The following DLG5 variants were observed in gnomAD, a reference collection of about 807,000 sequenced individuals.
The protein encoded by DLG5 is disks large homolog 5.
A neutral mutation model predicts 189.8 loss-of-function variants in DLG5; 48 were observed. The ratio of observed to expected loss-of-function variants is 0.25; its 90% CI spans 0.20 to 0.32. The LOEUF is 0.32. DLG5 is among the 10% of genes least tolerant of loss of function. The pLI, the probability that DLG5 is intolerant of heterozygous loss-of-function variation, is 1.00. For synonymous variants in DLG5, 1,016 were observed against 1,054.1 expected (o/e 0.96, Z 0.70); for missense variants, 2,160 against 2,544.7 (o/e 0.85, Z 3.25).
chr10:77,864,224 C>T (rs1047653312), intron 2 of DLG5, among the ~76,000 whole-genome samples: 7 of 152,186 alleles, frequency 4.6e-5, no homozygotes, highest in African/African-American at 1.4e-4. Flanking sequence ...ACCCTGGAGG[C>T]GCATCCTTGG....
chr10:77,922,401 A>G (rs1846561881), intron 1 of DLG5, among the ~76,000 whole-genome samples: 2 of 152,182 alleles, frequency 1.3e-5, no homozygotes, highest in African/African-American at 2.4e-5. Flanking sequence ...AAGAGACCCA[A>G]CTGAGCCACT....
intron 11 of DLG5, 67 bp from the exon 12 acceptor site, chr10:77,829,597 T>G: frequency 6.6e-7 from 1 of 1,519,040 alleles, no homozygotes; most frequent in Admixed American, 2.1e-5. Context: ...CGCCCACAAC[T>G]CTCACTCAGG....
In DLG5 at chr10:77,835,737, C is replaced by G; in HGVS notation, c.1622+1G>C. 1 of 1,608,770 alleles carries G rather than the reference C, an allele frequency of 6.2e-7. No individual in the cohort carries two copies. Among genetic ancestry groups the G allele is most frequent in the Non-Finnish European group, 8.5e-7 (1 of 1,178,510 alleles). On this transcript the variant is annotated splice_donor_variant, in intron 8 of 31. Transcript: ENST00000372391. LOFTEE classifies it high-confidence loss of function. ...CACGCCAGCTTGAGGTCACCCCATA[C>G]CGGATGCTGTCACGCTCTGCTACAA...
Position 77,816,573 on chromosome 10 carries a change from G to A in DLG5, c.4003C>T (p.Leu1335Phe), listed in dbSNP as rs1842061413. The change falls in exon 20 of 32, where the codon CTC (leucine) becomes TTC (phenylalanine). Residue 1335 changes from leucine (L) to phenylalanine (F), a missense_variant. By Grantham distance (22) the Leu-to-Phe change is conservative. This residue lies in a region of DLG5 where 754 missense variants were observed against 746.5 expected (regional missense o/e 1.01). Coordinates refer to ENST00000372391, the MANE Select transcript of DLG5 (RefSeq NM_004747.4). ...LPRIAVNPAS[L>F]GERRKDRPYV... Reference sequence around the variant, plus strand: ...CACCTGTCCTTTCTCCGCTCCCCGAGGGACGCGGGGTTGACAGCGATTCTG... The same window carrying A: ...CACCTGTCCTTTCTCCGCTCCCCGAAGGACGCGGGGTTGACAGCGATTCTG... The A allele has an allele frequency of 1.2e-6, 2 of 1,614,008 alleles. No individual in the cohort carries two copies. The highest frequency in any genetic ancestry group is 2.7e-5 in the African/African-American group (2 of 74,940).
At chr10:77,823,253 C>G (rs1842455447) in intron 14 of DLG5, among the ~76,000 whole-genome samples, 1 of 151,986 alleles carries the variant, frequency 6.6e-6, no homozygotes, top group South Asian at 2.1e-4. Context: ...CCAAAAAAGT[C>G]AAATAATTTG....
chr10:77,808,075 C>G, intron 24 of DLG5, 131 bp from the exon 25 acceptor site: 1 of 1,131,294 alleles, frequency 8.8e-7, no homozygotes, highest in South Asian at 1.5e-5. Flanking sequence ...GGCTACCTCC[C>G]CTCTGCAGGA....
At chr10:77,901,885 A>G (rs879784905) in intron 1 of DLG5, among the ~76,000 whole-genome samples, 1 of 152,246 alleles carries the variant, frequency 6.6e-6, no homozygotes, top group Non-Finnish European at 1.5e-5. Flanking sequence ...TGGCCCAGCC[A>G]GAAAGCCAAC....
At chr10:77,879,757 C>G (rs1845217800) in intron 1 of DLG5, among the ~76,000 whole-genome samples, 1 of 151,282 alleles carries the variant, frequency 6.6e-6, no homozygotes, top group Admixed American at 6.6e-5. Context: ...GGCCTGGAAA[C>G]TGGAAGGATG....
rs1034145039 is a variant in DLG5 at position 77,792,180 on chromosome 10, T to G, written c.*260A>C. 3.6e-5 allele frequency: 18 copies of G among 506,054 alleles called. No homozygotes were observed. The East Asian group carries it at 5.6e-4, about 16-fold the overall frequency. 31.3% of individuals were successfully genotyped at this position (506,054 alleles called of 1,614,324 possible). A position where few individuals can be genotyped will look rare whatever the true frequency, so the allele number is the denominator to read the frequency against. ...CTCTGATCAGCTGGCTAAAGAAAGG[T>G]GGGTGCTGAACCCGTCTTTAGTGTT... is the stretch of plus-strand genomic sequence containing the variant. On this transcript the variant is annotated 3_prime_UTR_variant, in exon 32 of 32. Transcript: ENST00000372391.
intron 2 of DLG5, chr10:77,868,143 T>C (rs949871722): frequency 4.4e-6 from 2 of 454,196 alleles, no homozygotes; most frequent in Non-Finnish European, 8.8e-6. Flanking sequence ...TGTGAGACAA[T>C]CAATTTCTGC....
chr10:77,797,296 A>G (rs1455613271), intron 27 of DLG5, among the ~76,000 whole-genome samples: 5 of 152,230 alleles, frequency 3.3e-5, no homozygotes, highest in South Asian at 4.1e-4. Flanking sequence ...CCAAATGAAT[A>G]AAGTCCTTGC....
intron 1 of DLG5, among the ~76,000 whole-genome samples, chr10:77,881,612 C>T (rs1845284317): frequency 1.3e-5 from 2 of 152,190 alleles, no homozygotes; most frequent in Non-Finnish European, 2.9e-5. Context: ...TAAATATCTC[C>T]ATCCTGGGTC....
Position 77,800,567 on chromosome 10 carries a change from C to T in DLG5, c.5165-3973G>A, listed in dbSNP as rs372143236. On this transcript the variant is annotated intron_variant, in intron 27 of 31. Coordinates refer to ENST00000372391, the MANE Select transcript of DLG5 (RefSeq NM_004747.4). ...GCTGAGAACCCAGGCACGGGGCCGC[C>T]GCTGAGGGCTGAGAACCCACGAAAA... Among the ~76,000 whole-genome samples, 9 of 152,016 alleles carry T rather than the reference C, an allele frequency of 5.9e-5. No individual in the cohort carries two copies. In the East Asian group the frequency reaches 1.4e-3, roughly 23 times the overall value.
chr10:77,911,295 A>AT (rs1846213863), intron 1 of DLG5, among the ~76,000 whole-genome samples: 1 of 152,074 alleles, frequency 6.6e-6, no homozygotes, highest in South Asian at 2.1e-4. Context: ...TAATTTTTGT[A>AT]TTTTTTGTAC....
Position 77,821,811 on chromosome 10 carries a change from G to A in DLG5, c.2673C>T (p.Ser891=), listed in dbSNP as rs936962147. 1 of 1,613,012 alleles carries A rather than the reference G, an allele frequency of 6.2e-7. No individual in the cohort carries two copies. The highest frequency in any genetic ancestry group is 8.5e-7 in the Non-Finnish European group (1 of 1,179,558). ...AGGCATCTGAGCGGAAGGAGCTCAGGCTACGCTCAGAGGCACTGGGACAGG... is the reference window on the plus strand; with the variant it reads ...AGGCATCTGAGCGGAAGGAGCTCAGACTACGCTCAGAGGCACTGGGACAGG... The part of the protein sequence containing the change: ...PQACPSASER[S]LSSFRSDASG... The change falls in exon 15 of 32, where the codon AGC becomes AGT. Residue 891 remains serine (S), a synonymous_variant. Transcript: ENST00000372391.
At chr10:77,894,969 T>C (rs1045178280) in intron 1 of DLG5, among the ~76,000 whole-genome samples, 2 of 152,190 alleles carry the variant, frequency 1.3e-5, no homozygotes, top group Non-Finnish European at 2.9e-5. Context: ...CCTTCCTATG[T>C]CCTTTCAAAG....
At chr10:77,880,625 T>A (rs1845250032) in intron 1 of DLG5, among the ~76,000 whole-genome samples, 1 of 152,092 alleles carries the variant, frequency 6.6e-6, no homozygotes, top group South Asian at 2.1e-4. Flanking sequence ...CCCCCTGAAC[T>A]TCCCCAGTTA....
chr10:77,860,349 G>C (rs572006570), intron 2 of DLG5, among the ~76,000 whole-genome samples: 37 of 152,336 alleles, frequency 2.4e-4, no homozygotes, highest in African/African-American at 8.7e-4. Context: ...CCAGGCTGGA[G>C]TGCAGTGGCG....
intron 8 of DLG5, among the ~76,000 whole-genome samples, chr10:77,834,378 C>G (rs1173247736): frequency 6.6e-6 from 1 of 152,100 alleles, no homozygotes; most frequent in African/African-American, 2.4e-5. Flanking sequence ...CTTGGGGAGC[C>G]AGGGGGTGGC....
Sources: allele counts gnomAD v4.1 joint callset (sites outside exome capture counted in the v4.1 genomes callset), GRCh38; gene constraint gnomAD v4.1.1; regional missense constraint gnomAD v4.1.1; transcripts MANE v1.5; gene names NCBI Gene and HGNC (gene_info 2026-07-23, HGNC 2026-07-21).